CAPN9: variants seen among roughly 807,000 people sequenced by gnomAD.
CAPN9 encodes the protein calpain-9.
In CAPN9, 81 loss-of-function variants were observed where a neutral mutation model predicts 92.8. The ratio of observed to expected loss-of-function variants is 0.87; its 90% CI spans 0.73 to 1.05. The LOEUF is 1.05. CAPN9 is among the 50% of genes least tolerant of loss of function. The pLI, the probability that CAPN9 is intolerant of heterozygous loss-of-function variation, is 0.00. For synonymous variants in CAPN9, 304 were observed against 328.0 expected, an observed-to-expected ratio of 0.93 and a Z score of 0.79; for missense variants, 848 against 866.2, an observed-to-expected ratio of 0.98 and a Z score of 0.26.
At chr1:230,792,069 A>G in intron 15 of CAPN9, 141 bp downstream of exon 15, 1 of 694,100 alleles carries the variant, frequency 1.4e-6, no homozygotes, top group Non-Finnish European at 2.5e-6. Context: ...AAATAACCCA[A>G]AGCTGGGGGA....
In CAPN9 at chr1:230,795,058, T is replaced by A. The variant is rs1668257307; in HGVS notation, c.1871-105T>A. Reference sequence around the variant, plus strand: ...TTTGAGGAGTGAAACAGTGGCTTCCTCTTCTGAGCCCTCTCCTCAGCTGCC... The same window carrying A: ...TTTGAGGAGTGAAACAGTGGCTTCCACTTCTGAGCCCTCTCCTCAGCTGCC... On this transcript the variant is annotated intron_variant, in intron 17 of 19. Transcript: ENST00000271971. 4 of 715,482 alleles carry A rather than the reference T, an allele frequency of 5.6e-6. No individual in the cohort carries two copies. In the East Asian group the frequency reaches 1.0e-4, roughly 18 times the overall value. 44.3% of individuals were successfully genotyped at this position (715,482 alleles called of 1,614,324 possible). A position where few individuals can be genotyped will look rare whatever the true frequency, so the allele number is the denominator to read the frequency against.
In CAPN9 at chr1:230,755,374, C is replaced by T; in HGVS notation, c.251C>T (p.Ala84Val). ...AACCCAGAATTCATTCTTGGAGGGGCCACCAGGACTGATATCTGCCAGGGA... is the reference window on the plus strand; with the variant it reads ...AACCCAGAATTCATTCTTGGAGGGGTCACCAGGACTGATATCTGCCAGGGA... ...VKNPEFILGGATRTDICQGEL... is the reference protein window; with the variant it reads ...VKNPEFILGGVTRTDICQGEL... Residue 84 changes from alanine (A) to valine (V), a missense_variant, in exon 2 of 20, where the codon GCC becomes GTC. Ala to Val is a moderately conservative substitution (Grantham distance 64). Transcript: ENST00000271971. 1 of 1,609,140 alleles carries T rather than the reference C, an allele frequency of 6.2e-7. No homozygotes were observed. Among genetic ancestry groups the T allele is most frequent in the South Asian group, 1.1e-5 (1 of 90,072 alleles).
intron 11 of CAPN9, 24 bp from the exon 12 acceptor site, chr1:230,785,957 C>T: frequency 3.1e-6 from 5 of 1,611,292 alleles, no homozygotes; most frequent in South Asian, 1.1e-5. Flanking sequence ...ACAATTGAGG[C>T]AGTGTGTTTT....
chr1:230,754,639 CAAAAAAAAAAA>C (rs58791351), intron 1 of CAPN9, among the ~76,000 whole-genome samples: 1 of 124,558 alleles, frequency 8.0e-6, no homozygotes, highest in African/African-American at 3.0e-5. Flanking sequence ...CCCATCTCCA[CAAAAAAAAAAA>C]AAAAAAAATT....
At chr1:230,757,506 C>T (rs2102842470) in intron 2 of CAPN9, among the ~76,000 whole-genome samples, 1 of 152,098 alleles carries the variant, frequency 6.6e-6, no homozygotes, top group Non-Finnish European at 1.5e-5. Flanking sequence ...TTTACTACAC[C>T]AAAGTACTGT....
At chr1:230,754,955 A>T (rs1351090708) in intron 1 of CAPN9, among the ~76,000 whole-genome samples, 1 of 152,224 alleles carries the variant, frequency 6.6e-6, no homozygotes, top group East Asian at 1.9e-4. Context: ...CTTGAAGCCC[A>T]CAGAGGTCAC....
At chr1:230,769,408 T>G (rs2102868497) in intron 6 of CAPN9, 145 bp downstream of exon 6, 1 of 617,454 alleles carries the variant, frequency 1.6e-6, no homozygotes, top group South Asian at 2.5e-5. Flanking sequence ...CAGGCTGGAA[T>G]TCAAAACGGC....
chr1:230,790,581 G>A (rs1203595681), intron 14 of CAPN9, among the ~76,000 whole-genome samples: 1 of 148,840 alleles, frequency 6.7e-6, no homozygotes, highest in Admixed American at 6.7e-5. Context: ...ATTTCCCCCA[G>A]CCCCAGGCAA....
In CAPN9 at chr1:230,800,230, AGAAGAAAG is replaced by A. The variant is rs1213066925; in HGVS notation, c.2047-1339_2047-1332del. On this transcript the variant is annotated intron_variant, in intron 19 of 19. Transcript: ENST00000271971. ...GAAAAGAAAGAAAAATAAGAAAGAAAGAAGAAAGAAAGAAAGAAAGAAAGAAAGAAAGA... is the reference window on the plus strand; with the variant it reads ...GAAAAGAAAGAAAAATAAGAAAGAAAAAAGAAAGAAAGAAAGAAAGAAAGA... Among the ~76,000 whole-genome samples the A allele has an allele frequency of 8.5e-5, 4 of 46,960 alleles. 1 individual carries two copies. In the East Asian group the frequency reaches 1.5e-3, roughly 17 times the overall value. The allele number at this position is 46,960 out of a possible 152,430, so 30.8% of individuals were successfully genotyped here. A position where few individuals can be genotyped will look rare whatever the true frequency, so the allele number is the denominator to read the frequency against.
chr1:230,781,886 A>G (rs1468621416), intron 11 of CAPN9, among the ~76,000 whole-genome samples: 1 of 152,244 alleles, frequency 6.6e-6, no homozygotes, highest in East Asian at 1.9e-4. Context: ...TACAAAAGGC[A>G]TGGTTCTTTC....
intron 1 of CAPN9, among the ~76,000 whole-genome samples, chr1:230,751,637 AAGAAAGAAAGAAAGAAAG>A (rs1664823711): frequency 2.1e-5 from 2 of 93,832 alleles, no homozygotes; most frequent in Admixed American, 9.3e-5. Context: ...GAAAGAAAGA[AAGAAAGAAAGAAAGAAAG>A]AAAGAAAGAA....
chr1:230,774,428 G>A, intron 7 of CAPN9, 126 bp from the exon 8 acceptor site: 1 of 677,474 alleles, frequency 1.5e-6, no homozygotes, highest in Non-Finnish European at 2.7e-6. Flanking sequence ...GCATTTTTGG[G>A]ACCCAGTGAG....
At position 230,767,644 on chromosome 1, in the gene CAPN9, G is replaced by A. The variant is rs375577407; in HGVS notation, c.640G>A (p.Glu214Lys). The change falls in exon 5 of 20, where the codon GAG (glutamate) becomes AAG (lysine). Residue 214 changes from glutamate to lysine, a missense_variant. By Grantham distance (56) the Glu-to-Lys change is moderately conservative (BLOSUM62 1). Transcript: ENST00000271971. ...AETFQTKEAPENFYEILEKAL... is the reference protein window; with the variant it reads ...AETFQTKEAPKNFYEILEKAL... ...GACCTTCCAAACTAAAGAGGCCCCCGAGAACTTCTATGAGATTCTAGAGAA... is the reference window on the plus strand; with the variant it reads ...GACCTTCCAAACTAAAGAGGCCCCCAAGAACTTCTATGAGATTCTAGAGAA... The A allele has an allele frequency of 1.1e-5, 18 of 1,613,770 alleles. No homozygotes were observed. The highest frequency in any genetic ancestry group is 1.6e-4 in the Middle Eastern group (1 of 6,084).
At chr1:230,752,760 A>G in intron 1 of CAPN9, 4 of 932,898 alleles carry the variant, frequency 4.3e-6, no homozygotes, top group Non-Finnish European at 5.1e-6. Flanking sequence ...TGCCAGGGCT[A>G]TCCCCTGGCA....
intron 18 of CAPN9, chr1:230,795,502 A>C (rs371621835): frequency 4.3e-6 from 2 of 470,262 alleles, no homozygotes. Flanking sequence ...TTATACATTC[A>C]CAGTGCCTCT....
At chr1:230,751,665 A>G (rs569334384) in intron 1 of CAPN9, among the ~76,000 whole-genome samples, 1 of 55,098 alleles carries the variant, frequency 1.8e-5, no homozygotes, top group East Asian at 3.8e-4. Flanking sequence ...GAAAGAAAGA[A>G]AGAAAGAAAG....
Position 230,800,231 on chromosome 1 carries a change from GAAGAAAGAAAGAAAGAAAGAAAGAAAGA to G in CAPN9, c.2047-1291_2047-1264del, listed in dbSNP as rs56677043. Among the ~76,000 whole-genome samples the G allele has an allele frequency of 2.0e-3, 101 of 51,514 alleles. 3 individuals are homozygous for G. The highest frequency in any genetic ancestry group is 0.011 in the Admixed American group (54 of 5,098). 33.8% of individuals were successfully genotyped at this position (51,514 alleles called of 152,430 possible). A position where few individuals can be genotyped will look rare whatever the true frequency, so the allele number is the denominator to read the frequency against. The stretch of plus-strand genomic sequence containing the variant: ...AAAAGAAAGAAAAATAAGAAAGAAA[GAAGAAAGAAAGAAAGAAAGAAAGAAAGA>G]AAGAAAGAAAGAAAGAAAGAAAGAA... On this transcript the variant is annotated intron_variant, in intron 19 of 19. Coordinates refer to ENST00000271971, the MANE Select transcript of CAPN9 (RefSeq NM_006615.3).
At chr1:230,780,414 G>A (rs905472674) in intron 10 of CAPN9, 78 bp downstream of exon 10, 21 of 1,597,246 alleles carry the variant, frequency 1.3e-5, no homozygotes, top group Non-Finnish European at 1.6e-5. Context: ...TCTCACACCC[G>A]AGACTCAACC....
intron 5 of CAPN9, among the ~76,000 whole-genome samples, chr1:230,768,363 A>C (rs1210643768): frequency 6.6e-6 from 1 of 152,014 alleles, no homozygotes; most frequent in Admixed American, 6.6e-5. Flanking sequence ...CCTCCCTCCC[A>C]CCCGTTTCTC....
Sources: gnomAD v4.1 joint callset for allele counts (sites outside exome capture counted in the v4.1 genomes callset) on GRCh38, gnomAD v4.1.1 for gene constraint, MANE v1.5 for transcripts, NCBI Gene and HGNC (gene_info 2026-07-23, HGNC 2026-07-21) for gene names.